Variants in NCOA2 observed in about 807,000 individuals in gnomAD.
The protein encoded by NCOA2 is class E basic helix-loop-helix protein 75.
Under a neutral mutation model 145.1 loss-of-function variants are expected in NCOA2, and 21 were observed. That is an observed-to-expected ratio of 0.14 (90% CI 0.10 to 0.21). NCOA2 has a LOEUF of 0.21. Among genes scored for constraint, NCOA2 ranks in the 10% least tolerant of loss-of-function variants. The pLI, the probability that NCOA2 is intolerant of heterozygous loss-of-function variation, is 1.00. For synonymous variants in NCOA2, 619 were observed against 637.5 expected (o/e 0.97, Z 0.44); for missense variants, 1,472 against 1,837.6 (o/e 0.80, Z 3.64).
chr8:70,249,979 AGAAGAAGAAG>A (rs1264736333), intron 2 of NCOA2, among the ~76,000 whole-genome samples: 4 of 102,704 alleles, frequency 3.9e-5, no homozygotes, highest in Admixed American at 1.0e-4. Context: ...AAAAAAAAAA[AGAAGAAGAAG>A]AAGAAGAAGA....
chr8:70,167,778 T>C (rs1813793949), intron 6 of NCOA2, among the ~76,000 whole-genome samples: 1 of 152,218 alleles, frequency 6.6e-6, no homozygotes, highest in African/African-American at 2.4e-5. Flanking sequence ...ACAACAATTA[T>C]TTTTGAAATG....
At chr8:70,454,640 A>G in the NCOA2 span, among the ~76,000 whole-genome samples, 18 of 152,288 alleles carry the variant, frequency 1.2e-4, no homozygotes, top group African/African-American at 4.1e-4. Flanking sequence ...AAACAAAACC[A>G]AATCAACAAC....
chr8:70,234,909 T>C (rs995340750), intron 2 of NCOA2, among the ~76,000 whole-genome samples: 1 of 152,218 alleles, frequency 6.6e-6, no homozygotes, highest in African/African-American at 2.4e-5. Context: ...CAACCATGGC[T>C]GCATAGATAA....
chr8:70,216,675 T>G lies in NCOA2; in HGVS notation c.71A>C (p.Asp24Ala), dbSNP rs1325504603. 1 of 1,613,324 alleles carries G rather than the reference T, an allele frequency of 6.2e-7. No individual in the cohort carries two copies. Among genetic ancestry groups the G allele is most frequent in the East Asian group, 2.2e-5 (1 of 44,872 alleles). ...AGAATCTAACCTGGGTCCAAGTTGG[T>G]CAGGACATTCCTTGCGCTTTCTTGT... ...AETRKRKECP[D>A]QLGPSPKRNT... Residue 24 changes from aspartate (D) to alanine (A), a missense_variant, in exon 3 of 23, where the codon GAC becomes GCC. Coordinates refer to ENST00000452400, the MANE Select transcript of NCOA2 (RefSeq NM_006540.4).
At chr8:70,217,153 C>T (rs1037037264) in intron 2 of NCOA2, among the ~76,000 whole-genome samples, 1 of 152,200 alleles carries the variant, frequency 6.6e-6, no homozygotes, top group Non-Finnish European at 1.5e-5. Flanking sequence ...CTCCCAGTCT[C>T]TGTTTTGGGT....
At chr8:70,414,260 G>GA in the NCOA2 span, among the ~76,000 whole-genome samples, 1 of 152,124 alleles carries the variant, frequency 6.6e-6, no homozygotes, top group Non-Finnish European at 1.5e-5. Flanking sequence ...TTCCATGTCT[G>GA]AACTCCCTTC....
At chr8:70,243,791 G>GAAA (rs200949977) in intron 2 of NCOA2, among the ~76,000 whole-genome samples, 2,737 of 99,498 alleles carry the variant, frequency 0.028, 91 homozygotes, top group African/African-American at 0.08. Context: ...ATAAAAAATG[G>GAAA]AAAAAAAAAA....
At chr8:70,167,585 T>G in intron 6 of NCOA2, among the ~76,000 whole-genome samples, 1 of 152,250 alleles carries the variant, frequency 6.6e-6, no homozygotes, top group Admixed American at 6.5e-5. Context: ...TTGTTTTTCC[T>G]AAGTTGTTCA....
chr8:70,417,034 A>T, the NCOA2 span, among the ~76,000 whole-genome samples: 1 of 152,144 alleles, frequency 6.6e-6, no homozygotes. Flanking sequence ...ATACACACAT[A>T]CATGCATTCA....
At chr8:70,168,991 T>A (rs1213423266) in intron 6 of NCOA2, among the ~76,000 whole-genome samples, 1 of 152,326 alleles carries the variant, frequency 6.6e-6, no homozygotes, top group South Asian at 2.1e-4. Context: ...CTAGCCCGAA[T>A]GAAATTTGAA....
intron 21 of NCOA2, among the ~76,000 whole-genome samples, chr8:70,123,380 C>T (rs4236980): frequency 0.22 from 33,288 of 151,934 alleles, 4,746 homozygotes; most frequent in East Asian, 0.53. Context: ...TAGCCGGGCA[C>T]GGTAGTATGT....
At chr8:70,419,676 C>G in the NCOA2 span, among the ~76,000 whole-genome samples, 1 of 152,086 alleles carries the variant, frequency 6.6e-6, no homozygotes, top group Non-Finnish European at 1.5e-5. Context: ...CTCTTTAACT[C>G]TCCTTTCCTA....
intron 1 of NCOA2, among the ~76,000 whole-genome samples, chr8:70,349,434 G>GAAT (rs1808973013): frequency 6.6e-6 from 1 of 151,982 alleles, no homozygotes; most frequent in Non-Finnish European, 1.5e-5. Context: ...AAAAATCTAT[G>GAAT]AATTTTTACC....
intron 4 of NCOA2, among the ~76,000 whole-genome samples, chr8:70,180,866 T>C (rs1815398259): frequency 6.6e-6 from 1 of 152,212 alleles, no homozygotes; most frequent in African/African-American, 2.4e-5. Flanking sequence ...GCCACCATGC[T>C]CAGCTCCATG....
At chr8:70,366,320 G>T (rs528375692) in intron 1 of NCOA2, among the ~76,000 whole-genome samples, 10 of 152,102 alleles carry the variant, frequency 6.6e-5, no homozygotes, top group African/African-American at 2.4e-4. Context: ...AAAGAGGGGG[G>T]AAATACACAG....
At chr8:70,120,881 A>C (rs1407356990) in intron 22 of NCOA2, among the ~76,000 whole-genome samples, 1 of 152,234 alleles carries the variant, frequency 6.6e-6, no homozygotes, top group Non-Finnish European at 1.5e-5. Flanking sequence ...GGAGTGAACA[A>C]TGTAAGTTAA....
intron 18 of NCOA2, 62 bp from the exon 19 acceptor site, chr8:70,127,109 G>T: frequency 8.1e-7 from 1 of 1,228,484 alleles, no homozygotes; most frequent in Non-Finnish European, 1.2e-6. Flanking sequence ...AAAAAACAAA[G>T]TGAGTATTAT....
intron 1 of NCOA2, among the ~76,000 whole-genome samples, chr8:70,338,635 A>G (rs1807847615): frequency 6.6e-6 from 1 of 152,212 alleles, no homozygotes; most frequent in African/African-American, 2.4e-5. Context: ...AATACAAAAA[A>G]AGAGAAAACT....
At chr8:70,224,075 G>A (rs1261983609) in intron 2 of NCOA2, among the ~76,000 whole-genome samples, 1 of 152,202 alleles carries the variant, frequency 6.6e-6, no homozygotes, top group African/African-American at 2.4e-5. Context: ...AGGCACTGCT[G>A]CAGACACTGG....
Sources: allele counts gnomAD v4.1 joint callset (sites outside exome capture counted in the v4.1 genomes callset), GRCh38; gene constraint gnomAD v4.1.1; transcripts MANE v1.5; gene names NCBI Gene and HGNC (gene_info 2026-07-23, HGNC 2026-07-21).